Variants in LDLRAD3 observed in about 807,000 individuals in gnomAD.
The protein encoded by LDLRAD3 is low-density lipoprotein receptor class A domain-containing protein 3.
A neutral mutation model predicts 29.4 loss-of-function variants in LDLRAD3; 20 were observed. That is an observed-to-expected ratio of 0.68 (90% CI 0.48 to 0.99). The LOEUF (loss-of-function observed/expected upper bound fraction) is 0.99. Among genes scored for constraint, LDLRAD3 ranks in the 50% least tolerant of loss-of-function variants. The pLI is 0.00. For missense variants in LDLRAD3, 420 were observed against 454.3 expected, an observed-to-expected ratio of 0.92 and a Z score of 0.69; for synonymous variants, 157 against 192.7, an observed-to-expected ratio of 0.81 and a Z score of 1.53.
intron 1 of LDLRAD3, chr11:35,967,113 G>A (rs16928152): frequency 0.024 from 4,632 of 194,028 alleles, 104 homozygotes; most frequent in Middle Eastern, 0.062. Flanking sequence ...CCAAAGACCC[G>A]AGGGTCACCA....
chr11:36,103,600 G>A (rs1853483909), intron 4 of LDLRAD3, among the ~76,000 whole-genome samples: 1 of 152,124 alleles, frequency 6.6e-6, no homozygotes, highest in South Asian at 2.1e-4. Flanking sequence ...GGTGCCCTAA[G>A]ACGTTCAGTG....
intron 4 of LDLRAD3, among the ~76,000 whole-genome samples, chr11:36,205,210 G>C (rs1195220936): frequency 5.9e-5 from 9 of 152,144 alleles, no homozygotes; most frequent in Non-Finnish European, 1.3e-4. Context: ...TTCTCCGTGG[G>C]GCCGGGGGAT....
At chr11:36,092,893 TTGC>T (rs1356279980) in intron 3 of LDLRAD3, among the ~76,000 whole-genome samples, 1 of 152,250 alleles carries the variant, frequency 6.6e-6, no homozygotes, top group African/African-American at 2.4e-5. Flanking sequence ...TTTCTGTGGC[TTGC>T]TGCTACGTTT....
chr11:36,053,564 T>C (rs1207216832), intron 2 of LDLRAD3, among the ~76,000 whole-genome samples: 1 of 152,286 alleles, frequency 6.6e-6, no homozygotes, highest in East Asian at 1.9e-4. Context: ...GTATACAAAG[T>C]GCTTGGTACA....
intron 1 of LDLRAD3, among the ~76,000 whole-genome samples, chr11:36,025,732 G>A (rs186046034): frequency 1.2e-3 from 178 of 144,776 alleles, no homozygotes; most frequent in African/African-American, 4.5e-3. Flanking sequence ...AGTTCATTAT[G>A]TACGATCCCA....
At chr11:36,084,089 A>G (rs1446468042) in intron 3 of LDLRAD3, among the ~76,000 whole-genome samples, 1 of 139,172 alleles carries the variant, frequency 7.2e-6, no homozygotes, top group African/African-American at 2.5e-5. Flanking sequence ...CTCCTAATTT[A>G]AAAGCAATTT....
intron 1 of LDLRAD3, among the ~76,000 whole-genome samples, chr11:35,962,115 AT>A (rs1028561424): frequency 4.6e-5 from 7 of 152,048 alleles, no homozygotes; most frequent in African/African-American, 1.2e-4. Context: ...TATTATTTGC[AT>A]TTTTTCCCCC....
At chr11:36,002,235 T>C (rs1851833936) in intron 1 of LDLRAD3, among the ~76,000 whole-genome samples, 1 of 152,252 alleles carries the variant, frequency 6.6e-6, no homozygotes, top group Admixed American at 6.5e-5. Flanking sequence ...TAGCTATTAC[T>C]AGCATACACT....
chr11:35,972,411 CT>C lies in LDLRAD3; in HGVS notation c.46+28279del, dbSNP rs60756714. The stretch of plus-strand genomic sequence containing the variant: ...ACCAGAGAAACCACAACAGCTTAAA[CT>C]TTTTTTTTTTTAATCGTTTGTTTTC... On this transcript the variant is annotated intron_variant, in intron 1 of 5. Coordinates refer to ENST00000315571, the MANE Select transcript of LDLRAD3 (RefSeq NM_174902.4). 4.8e-3 allele frequency: 694 copies of C among 146,058 alleles called. 2 individuals carry two copies. The highest frequency in any genetic ancestry group is 0.011 in the African/African-American group (463 of 40,406). The allele number at this position is 146,058 out of a possible 1,614,324, so 9.0% of individuals were successfully genotyped here.
At chr11:36,207,402 T>A (rs901309485) in intron 4 of LDLRAD3, among the ~76,000 whole-genome samples, 11 of 152,128 alleles carry the variant, frequency 7.2e-5, no homozygotes, top group African/African-American at 2.7e-4. Flanking sequence ...CTGGGTGTGG[T>A]TTTTCCCACC....
chr11:35,970,400 G>A (rs1279317363), intron 1 of LDLRAD3, among the ~76,000 whole-genome samples: 2 of 152,182 alleles, frequency 1.3e-5, no homozygotes, highest in Non-Finnish European at 2.9e-5. Flanking sequence ...TGTAGGTGCA[G>A]GGCAAGGAAT....
intron 4 of LDLRAD3, among the ~76,000 whole-genome samples, chr11:36,111,874 G>A: frequency 6.6e-6 from 1 of 152,208 alleles, no homozygotes; most frequent in Non-Finnish European, 1.5e-5. Context: ...TGGGGTTACA[G>A]GCGTGAGCCA....
At chr11:35,969,998 G>A (rs1158544600) in intron 1 of LDLRAD3, among the ~76,000 whole-genome samples, 1 of 152,222 alleles carries the variant, frequency 6.6e-6, no homozygotes, top group East Asian at 1.9e-4. Context: ...GAGCAAAGAA[G>A]CTAGGCCTGA....
intron 4 of LDLRAD3, among the ~76,000 whole-genome samples, chr11:36,186,382 T>C (rs892758852): frequency 3.3e-5 from 5 of 152,204 alleles, no homozygotes; most frequent in African/African-American, 1.2e-4. Context: ...GTCTATAAAA[T>C]AGTCTTCTCT....
chr11:36,100,530 C>T (rs753826860), intron 4 of LDLRAD3, among the ~76,000 whole-genome samples: 21 of 152,200 alleles, frequency 1.4e-4, no homozygotes, highest in Admixed American at 2.6e-4. Context: ...ACCTCTGCCT[C>T]CCGGGTTCAA....
chr11:36,183,953 T>C, intron 4 of LDLRAD3: 1 of 310,080 alleles, frequency 3.2e-6, no homozygotes, highest in Non-Finnish European at 6.2e-6. Flanking sequence ...TTTTTCCAAA[T>C]ATATTTCATC....
At chr11:36,073,329 C>G (rs1852938765) in intron 2 of LDLRAD3, among the ~76,000 whole-genome samples, 1 of 152,338 alleles carries the variant, frequency 6.6e-6, no homozygotes, top group African/African-American at 2.4e-5. Context: ...TGGACCAGAT[C>G]CTTGAGAAGT....
chr11:36,097,034 A>G (rs1180263781), intron 3 of LDLRAD3, among the ~76,000 whole-genome samples: 1 of 152,064 alleles, frequency 6.6e-6, no homozygotes, highest in African/African-American at 2.4e-5. Context: ...TTCTGTGGAG[A>G]TTTGCTGTTG....
chr11:36,208,422 T>A (rs1233440842), intron 4 of LDLRAD3, among the ~76,000 whole-genome samples: 2 of 152,188 alleles, frequency 1.3e-5, no homozygotes, highest in Non-Finnish European at 2.9e-5. Context: ...ACCCTATTGC[T>A]GCATCCTCTA....
Sources: gnomAD v4.1 joint callset for allele counts (sites outside exome capture counted in the v4.1 genomes callset) on GRCh38, gnomAD v4.1.1 for gene constraint, MANE v1.5 for transcripts, NCBI Gene and HGNC (gene_info 2026-07-23, HGNC 2026-07-21) for gene names.